Variants in CCDC32 observed in about 807,000 individuals in gnomAD.
The protein encoded by CCDC32 is coiled-coil domain-containing protein 32.
Under a neutral mutation model 20.1 loss-of-function variants are expected in CCDC32, and 9 were observed. That is an observed-to-expected ratio of 0.45 (90% CI 0.27 to 0.78). The LOEUF is 0.78. CCDC32 is among the 30% of genes least tolerant of loss of function. The pLI is 0.16. For synonymous variants in CCDC32, 63 were observed against 79.0 expected, an observed-to-expected ratio of 0.80 and a Z score of 1.07; for missense variants, 204 against 215.5, an observed-to-expected ratio of 0.95 and a Z score of 0.33.
At chr15:40,528,540 T>C, downstream of CCDC32, 1 of 547,294 alleles carries the variant, frequency 1.8e-6, no homozygotes, top group Non-Finnish European at 3.2e-6. Flanking sequence ...TCAAGGCTTG[T>C]CCTGGTTGGG....
At position 40,564,901 on chromosome 15, in the gene CCDC32, C is replaced by T; in HGVS notation, c.-13+75G>A. On this transcript the variant is annotated intron_variant, in intron 1 of 3. Transcript: ENST00000416810. ...GACGGGATGAATCAGGTCCCAAGGC[C>T]TCTATGTGGTATTCCGGGGCCGGGC... The T allele has an allele frequency of 3.1e-6, 4 of 1,284,410 alleles. No homozygotes were observed. In the Admixed American group the frequency reaches 7.8e-5, roughly 25 times the overall value. 79.6% of individuals were successfully genotyped at this position (1,284,410 alleles called of 1,614,324 possible). A position where few individuals can be genotyped will look rare whatever the true frequency, so the allele number is the denominator to read the frequency against.
downstream of CCDC32, among the ~76,000 whole-genome samples, chr15:40,550,992 T>C (rs1415532532): frequency 6.6e-6 from 1 of 152,236 alleles, no homozygotes; most frequent in Non-Finnish European, 1.5e-5. Flanking sequence ...TGGGACCTCA[T>C]TGCTTTTTTT....
At chr15:40,539,112 C>G (rs116158055), downstream of CCDC32, 992 of 770,690 alleles carry the variant, frequency 1.3e-3, 15 homozygotes, top group African/African-American at 0.015. Flanking sequence ...CCCAGAAGCC[C>G]TGAGGGCTGG....
At chr15:40,534,151 G>T (rs1485524037), downstream of CCDC32, among the ~76,000 whole-genome samples, 1 of 152,220 alleles carries the variant, frequency 6.6e-6, no homozygotes, top group Non-Finnish European at 1.5e-5. Flanking sequence ...TATGTGGAAA[G>T]ATCACTGCAG....
At position 40,564,815 on chromosome 15, in the gene CCDC32, C is replaced by T. The variant is rs764409948; in HGVS notation, c.-13+161G>A. ...CCCCAGGGCAGGGCGTCCAGAACCA[C>T]GCAGGAAATTCCGGCGTCCAGATCC... is the stretch of plus-strand genomic sequence containing the variant. On this transcript the variant is annotated intron_variant, in intron 1 of 3. Transcript: ENST00000416810. The T allele has an allele frequency of 5.6e-6, 9 of 1,614,068 alleles. No homozygotes were observed. The East Asian group carries it at 1.8e-4, about 32-fold the overall frequency.
intron 3 of CCDC32, chr15:40,539,493 C>T (rs1210927856): frequency 2.8e-6 from 2 of 724,164 alleles, no homozygotes; most frequent in Non-Finnish European, 4.7e-6. Context: ...GAGGTGTCGA[C>T]ACAGCCTCAG....
chr15:40,524,688 T>A (rs1037058569), downstream of CCDC32, among the ~76,000 whole-genome samples: 1 of 151,362 alleles, frequency 6.6e-6, no homozygotes, highest in Non-Finnish European at 1.5e-5. Context: ...GGGGTGGTGG[T>A]TACATGTGTG....
Position 40,541,438 on chromosome 15 carries a change from T to C in CCDC32, c.402-2083A>G, listed in dbSNP as rs530732517. ...ACCTCCGCCTCCCGGGTTCAAGCAA[T>C]TCTCCTGTCTCATCCTCCCAAGTAG... On this transcript the variant is annotated intron_variant, in intron 3 of 3. Transcript: ENST00000558113. Among the ~76,000 whole-genome samples, 375 of 152,150 alleles carry C rather than the reference T, an allele frequency of 2.5e-3. 2 individuals are homozygous for C. Among genetic ancestry groups the C allele is most frequent in the Non-Finnish European group, 4.0e-3 (271 of 67,998 alleles).
At chr15:40,552,519 A>G (rs1193801862), downstream of CCDC32, among the ~76,000 whole-genome samples, 1 of 150,316 alleles carries the variant, frequency 6.7e-6, no homozygotes, top group African/African-American at 2.4e-5. Context: ...AGTATATTTG[A>G]ATATTACAAT....
At chr15:40,541,779 G>A (rs1889406221) in intron 3 of CCDC32, among the ~76,000 whole-genome samples, 1 of 152,188 alleles carries the variant, frequency 6.6e-6, no homozygotes, top group Non-Finnish European at 1.5e-5. Flanking sequence ...ACAGGTCCTT[G>A]TCTCAAGGTA....
At chr15:40,543,643 T>C (rs551626526) in intron 3 of CCDC32, among the ~76,000 whole-genome samples, 1 of 152,240 alleles carries the variant, frequency 6.6e-6, no homozygotes, top group Non-Finnish European at 1.5e-5. Flanking sequence ...TTAGTAGAAA[T>C]GGAGTTTCCC....
chr15:40,549,490 T>G (rs1297465145), downstream of CCDC32, among the ~76,000 whole-genome samples: 1 of 152,126 alleles, frequency 6.6e-6, no homozygotes, highest in African/African-American at 2.4e-5. Context: ...CCTACCCCAC[T>G]CCAACTGGTC....
chr15:40,528,918 C>T (rs966097217), intron 3 of CCDC32: 20 of 617,132 alleles, frequency 3.2e-5, no homozygotes, highest in South Asian at 2.6e-4. Context: ...GGCTCCAGCA[C>T]GTGCTGAGTG....
chr15:40,562,969 T>C lies in CCDC32; in HGVS notation c.47A>G (p.Gln16Arg), dbSNP rs1430622149. ...GGAACAAATTTCAGCCCAGAGATCC[T>C]GGCCAGATCTTGTGGCTGTAGAGTC... ...SADSTATRSG[Q>R]DLWAEICSCL... The change falls in exon 2 of 4, where the codon CAG becomes CGG. Residue 16 changes from glutamine to arginine, a missense_variant. By Grantham distance (43) the Gln-to-Arg change is conservative (BLOSUM62 1). Coordinates refer to ENST00000416810, the MANE Select transcript of CCDC32 (RefSeq NM_001080792.4). 6.2e-7 allele frequency: 1 copy of C among 1,614,112 alleles called. No individual in the cohort carries two copies.
At chr15:40,539,353 G>T (rs1033508996) in exon 4 of CCDC32, 35 of 1,535,464 alleles carry the variant, frequency 2.3e-5, no homozygotes, top group Non-Finnish European at 3.1e-5. Flanking sequence ...GGAGTTACAG[G>T]GCCTATGGGA....
chr15:40,530,884 A>AT (rs1435454194), downstream of CCDC32, among the ~76,000 whole-genome samples: 1 of 150,964 alleles, frequency 6.6e-6, no homozygotes, highest in Admixed American at 6.6e-5. Flanking sequence ...TAATTTTTGT[A>AT]TTTTTTGTAG....
At chr15:40,528,739 C>T in exon 4 of CCDC32, 2 of 701,282 alleles carry the variant, frequency 2.9e-6, no homozygotes, top group Non-Finnish European at 2.6e-6. Context: ...TTCTTCCGTC[C>T]TCCTAGCTGG....
chr15:40,560,949 G>A (rs970453069), intron 2 of CCDC32, among the ~76,000 whole-genome samples: 2 of 152,124 alleles, frequency 1.3e-5, no homozygotes, highest in Non-Finnish European at 1.5e-5. Context: ...GCAAAGATAT[G>A]GAACCAACCT....
intron 3 of CCDC32, among the ~76,000 whole-genome samples, chr15:40,547,212 T>G (rs1028984134): frequency 2.6e-5 from 4 of 151,964 alleles, no homozygotes; most frequent in Admixed American, 6.6e-5. Context: ...ATTCCTCTAG[T>G]GGTGGGCTGC....
Sources: allele counts gnomAD v4.1 joint callset (sites outside exome capture counted in the v4.1 genomes callset), GRCh38; gene constraint gnomAD v4.1.1; transcripts MANE v1.5; gene names NCBI Gene and HGNC (gene_info 2026-07-23, HGNC 2026-07-21).